Variants in MAU2 observed in about 807,000 individuals in gnomAD.
The protein encoded by MAU2 is MAU2 chromatid cohesion factor homolog.
MAU2 carries 9 observed loss-of-function variants against 89.1 expected under a neutral mutation model. The ratio of observed to expected loss-of-function variants is 0.10; its 90% CI spans 0.06 to 0.18. The LOEUF (loss-of-function observed/expected upper bound fraction) is 0.18. Ranked by LOEUF, MAU2 falls within the 10% of genes least tolerant of loss-of-function variation. The pLI is 1.00. For missense variants in MAU2, 425 were observed against 803.5 expected (o/e 0.53, Z 5.69); for synonymous variants, 357 against 343.4 (o/e 1.04, Z -0.44).
At chr19:19,349,094 C>T (rs1386730657) in intron 14 of MAU2, 61 bp from the exon 15 acceptor site, 163 of 1,596,450 alleles carry the variant, frequency 1.0e-4, no homozygotes, top group Non-Finnish European at 1.4e-4. Context: ...CTGCCCACTG[C>T]CGTTTTGTAA....
rs569215173 is a variant in MAU2, at chr19:19,356,783, C to G, written c.*1001C>G. 2 of 152,468 alleles carry G rather than the reference C, an allele frequency of 1.3e-5. No homozygotes were observed. The highest frequency in any genetic ancestry group is 2.9e-5 in the Non-Finnish European group (2 of 68,304). 9.4% of individuals were successfully genotyped at this position (152,468 alleles called of 1,614,324 possible). On this transcript the variant is annotated 3_prime_UTR_variant, in exon 19 of 19. Coordinates refer to ENST00000262815, the MANE Select transcript of MAU2 (RefSeq NM_015329.4). Reference sequence around the variant, plus strand: ...GGTCTCTGGGGCACAGTGTGAAACCCGCACCCTAGCCAGGCCCCAGGGAGC... The same window carrying G: ...GGTCTCTGGGGCACAGTGTGAAACCGGCACCCTAGCCAGGCCCCAGGGAGC...
intron 12 of MAU2, among the ~76,000 whole-genome samples, chr19:19,346,524 T>C (rs2061694263): frequency 6.6e-6 from 1 of 151,834 alleles, no homozygotes; most frequent in Non-Finnish European, 1.5e-5. Flanking sequence ...GAAACAAACA[T>C]CTCCCACCTT....
At chr19:19,336,628 G>A (rs1361866682) in intron 3 of MAU2, among the ~76,000 whole-genome samples, 1 of 152,196 alleles carries the variant, frequency 6.6e-6, no homozygotes, top group Admixed American at 6.5e-5. Context: ...CAGCCCCAGG[G>A]CTTTGGTGGG....
chr19:19,331,992 C>T (rs1439195242), intron 1 of MAU2, among the ~76,000 whole-genome samples: 2 of 152,238 alleles, frequency 1.3e-5, no homozygotes, highest in Non-Finnish European at 2.9e-5. Flanking sequence ...CATACGCCTC[C>T]GTTCTGTGGC....
intron 17 of MAU2, among the ~76,000 whole-genome samples, chr19:19,354,879 C>T (rs1234293750): frequency 2.0e-5 from 3 of 152,120 alleles, no homozygotes; most frequent in Admixed American, 1.3e-4. Context: ...TCCGGAGACT[C>T]GCCTGGGGCC....
At chr19:19,328,152 C>G (rs1293084356) in intron 1 of MAU2, among the ~76,000 whole-genome samples, 1 of 148,644 alleles carries the variant, frequency 6.7e-6, no homozygotes, top group African/African-American at 2.5e-5. Context: ...AGAGAGAGAC[C>G]CTGTCTCAAA....
At position 19,356,047 on chromosome 19, in the gene MAU2, C is replaced by T. The variant is rs781700634; in HGVS notation, c.*265C>T. The T allele has an allele frequency of 1.6e-5, 10 of 624,218 alleles. No homozygotes were observed. The East Asian group carries it at 3.3e-4, about 21-fold the overall frequency. The allele number at this position is 624,218 out of a possible 1,614,324, so 38.7% of individuals were successfully genotyped here. On this transcript the variant is annotated 3_prime_UTR_variant, in exon 19 of 19. Coordinates refer to ENST00000262815, the MANE Select transcript of MAU2 (RefSeq NM_015329.4). The stretch of plus-strand genomic sequence containing the variant: ...CCATCCTTCAGAGTGGACCTCAGTG[C>T]CAGTCCTGCCTCAGCATCTGGGTCA...
intron 1 of MAU2, chr19:19,334,352 CAG>C (rs1357019758): frequency 4.1e-6 from 4 of 985,648 alleles, no homozygotes; most frequent in Non-Finnish European, 3.6e-6. Context: ...GCATGTGTGT[CAG>C]GGGCTCGGGC....
At chr19:19,341,802 C>G (rs140959392) in intron 7 of MAU2, among the ~76,000 whole-genome samples, 10 of 152,320 alleles carry the variant, frequency 6.6e-5, no homozygotes, top group Non-Finnish European at 1.5e-4. Context: ...TGAGTAGGGA[C>G]TGATGTGCTC....
At chr19:19,326,240 T>A (rs769755286) in intron 1 of MAU2, among the ~76,000 whole-genome samples, 2 of 151,996 alleles carry the variant, frequency 1.3e-5, no homozygotes, top group Non-Finnish European at 2.9e-5. Flanking sequence ...CAACTAACTT[T>A]GAAAGAATCA....
intron 16 of MAU2, chr19:19,353,444 GC>G (rs1298606325): frequency 6.6e-6 from 1 of 152,246 alleles, no homozygotes; most frequent in African/African-American, 2.4e-5. Context: ...CTTTCAAGGT[GC>G]AGCTACAGGG....
At chr19:19,334,163 C>T (rs1274179424) in intron 1 of MAU2, 2 of 985,312 alleles carry the variant, frequency 2.0e-6, no homozygotes, top group Non-Finnish European at 1.2e-6. Flanking sequence ...TTGCCACTGT[C>T]CCCACACACA....
At chr19:19,330,521 A>G (rs2061547300) in intron 1 of MAU2, among the ~76,000 whole-genome samples, 1 of 152,132 alleles carries the variant, frequency 6.6e-6, no homozygotes, top group African/African-American at 2.4e-5. Flanking sequence ...CGGGTGCATC[A>G]CCTGAGGTCA....
rs2048176103 is a variant in MAU2, at chr19:19,356,109, C to G, written c.*327C>G. The G allele has an allele frequency of 3.9e-6, 2 of 513,740 alleles. No homozygotes were observed. The highest frequency in any genetic ancestry group is 3.8e-5 in the African/African-American group (2 of 52,596). The allele number at this position is 513,740 out of a possible 1,614,324, so 31.8% of individuals were successfully genotyped here. A position where few individuals can be genotyped will look rare whatever the true frequency, so the allele number is the denominator to read the frequency against. On this transcript the variant is annotated 3_prime_UTR_variant, in exon 19 of 19. Coordinates refer to ENST00000262815, the MANE Select transcript of MAU2 (RefSeq NM_015329.4). ...AGTAGGGTGCAGGCCTCCAGCAGGTCCTAATCCTGTGTGCCAGGGCAGGCA... is the reference window on the plus strand; with the variant it reads ...AGTAGGGTGCAGGCCTCCAGCAGGTGCTAATCCTGTGTGCCAGGGCAGGCA...
intron 16 of MAU2, 68 bp downstream of exon 16, chr19:19,349,504 C>T: frequency 1.4e-6 from 2 of 1,383,984 alleles, no homozygotes; most frequent in Middle Eastern, 1.8e-4. Context: ...AGGAGCCGGC[C>T]AGCACCCTAA....
At position 19,355,371 on chromosome 19, in the gene MAU2, C is replaced by T; in HGVS notation, c.1747C>T (p.Pro583Ser). The T allele has an allele frequency of 6.2e-7, 1 of 1,614,022 alleles. No homozygotes were observed. The highest frequency in any genetic ancestry group is 8.5e-7 in the Non-Finnish European group (1 of 1,179,968). Reference sequence around the variant, plus strand: ...GGACCACATTGAGGCCTGCAGCCTCCCCGAACACAACCTCATCACGGTACG... The same window carrying T: ...GGACCACATTGAGGCCTGCAGCCTCTCCGAACACAACCTCATCACGGTACG... Reference protein sequence around the residue: ...LQDHIEACSLPEHNLITWTDG... With the variant: ...LQDHIEACSLSEHNLITWTDG... The change falls in exon 18 of 19, where the codon CCC becomes TCC. Residue 583 changes from proline (P) to serine (S), a missense_variant. Physicochemically the swap from Pro to Ser is moderately conservative, Grantham distance 74. Coordinates refer to ENST00000262815, the MANE Select transcript of MAU2 (RefSeq NM_015329.4).
chr19:19,342,997 C>A, intron 9 of MAU2, 131 bp downstream of exon 9: 2 of 886,138 alleles, frequency 2.3e-6, no homozygotes, highest in South Asian at 1.4e-5. Flanking sequence ...TGGTGGGTCT[C>A]GTCACCCCTA....
In MAU2 at chr19:19,349,245, C is replaced by G. The variant is rs1214580825; in HGVS notation, c.1436+13C>G. 5 of 1,614,070 alleles carry G rather than the reference C, an allele frequency of 3.1e-6. No homozygotes were observed. In the African/African-American group the frequency reaches 4.0e-5, roughly 13 times the overall value. On this transcript the variant is annotated intron_variant, in intron 15 of 18. Transcript: ENST00000262815. Reference sequence around the variant, plus strand: ...ACAACGAGGCCAAGTAAGTGTGGGGCAGAGGGTGGCGTGAGGGCCATGCTC... The same window carrying G: ...ACAACGAGGCCAAGTAAGTGTGGGGGAGAGGGTGGCGTGAGGGCCATGCTC...
chr19:19,348,626 A>T, intron 13 of MAU2: 1 of 604,140 alleles, frequency 1.7e-6, no homozygotes, highest in Non-Finnish European at 3.0e-6. Context: ...CACCACTCTG[A>T]CCATACAAAG....
Sources: gnomAD v4.1 joint callset for allele counts (sites outside exome capture counted in the v4.1 genomes callset) on GRCh38, gnomAD v4.1.1 for gene constraint, MANE v1.5 for transcripts, NCBI Gene and HGNC (gene_info 2026-07-23, HGNC 2026-07-21) for gene names.